SLC44A5: variants seen among roughly 807,000 people sequenced by gnomAD.
SLC44A5 encodes solute carrier family 44 member 5.
A neutral mutation model predicts 101.8 loss-of-function variants in SLC44A5; 57 were observed. The ratio of observed to expected loss-of-function variants is 0.56; its 90% CI spans 0.45 to 0.70. SLC44A5 has a LOEUF of 0.70. Ranked by LOEUF, SLC44A5 falls within the 30% of genes least tolerant of loss-of-function variation. The pLI is 0.00. For missense variants in SLC44A5, 737 were observed against 853.1 expected (o/e 0.86, Z 1.70); for synonymous variants, 281 against 290.9 (o/e 0.97, Z 0.35).
At chr1:75,444,483 G>GAAAGAAAGA (rs1553181287) in intron 2 of SLC44A5, among the ~76,000 whole-genome samples, 82 of 140,726 alleles carry the variant, frequency 5.8e-4, no homozygotes, top group Middle Eastern at 3.7e-3. Flanking sequence ...GAGAAAGAAA[G>GAAAGAAAGA]AAGAAAGAAA....
At chr1:75,213,295 A>G (rs1570367006) in intron 22 of SLC44A5, among the ~76,000 whole-genome samples, 1 of 152,152 alleles carries the variant, frequency 6.6e-6, no homozygotes, top group African/African-American at 2.4e-5. Context: ...TATTTCTACT[A>G]TTCCTTTTTA....
chr1:75,656,823 T>C, the SLC44A5 span, among the ~76,000 whole-genome samples: 159 of 152,328 alleles, frequency 1.0e-3, no homozygotes, highest in Middle Eastern at 6.8e-3. Context: ...AATCTTTACC[T>C]ATCCATAATA....
the SLC44A5 span, among the ~76,000 whole-genome samples, chr1:75,678,190 C>G: frequency 6.6e-6 from 1 of 152,116 alleles, no homozygotes; most frequent in African/African-American, 2.4e-5. Flanking sequence ...GGGGGAGGGG[C>G]GCCCACCAAT....
chr1:75,630,082 T>C, the SLC44A5 span, among the ~76,000 whole-genome samples: 1 of 152,220 alleles, frequency 6.6e-6, no homozygotes, highest in East Asian at 1.9e-4. Flanking sequence ...GTTTCTGATA[T>C]CTGTGGGGAG....
At position 75,218,645 on chromosome 1, in the gene SLC44A5, T is replaced by C. The variant is rs1449963549; in HGVS notation, c.1374A>G (p.Val458=). 1.9e-6 allele frequency: 3 copies of C among 1,613,732 alleles called. No homozygotes were observed. The highest frequency in any genetic ancestry group is 1.3e-5 in the African/African-American group (1 of 74,900). ...LYHQYIPTFH[V]YNLFVFLWLI... ...GCCAGAGAAAGACAAATAAGTTGTA[T>C]ACATGGAAGGTAGGGATGTACTGAT... The change falls in exon 17 of 24, where the codon GTA becomes GTG. Residue 458 remains valine (V), a synonymous_variant. Coordinates refer to ENST00000370859, the MANE Select transcript of SLC44A5 (RefSeq NM_001130058.2).
chr1:75,626,661 T>C, the SLC44A5 span, among the ~76,000 whole-genome samples: 1 of 152,164 alleles, frequency 6.6e-6, no homozygotes, highest in African/African-American at 2.4e-5. Context: ...TGGGCTTATT[T>C]TTCATTAGCT....
chr1:75,451,209 G>A (rs564820731), intron 2 of SLC44A5, among the ~76,000 whole-genome samples: 5 of 152,300 alleles, frequency 3.3e-5, no homozygotes, highest in African/African-American at 1.2e-4. Flanking sequence ...CACCAGAGCT[G>A]AGCAGGGAGC....
chr1:75,257,207 G>A (rs596098), intron 6 of SLC44A5, among the ~76,000 whole-genome samples: 111,270 of 152,092 alleles, frequency 0.73, 40,933 homozygotes, highest in East Asian at 0.93. Context: ...CTGGTAGTAA[G>A]TTCAATCAAA....
chr1:75,342,109 G>A (rs976929375), intron 3 of SLC44A5, among the ~76,000 whole-genome samples: 1 of 152,178 alleles, frequency 6.6e-6, no homozygotes, highest in African/African-American at 2.4e-5. Flanking sequence ...TCATCATGAT[G>A]TGTATGAGTT....
chr1:75,355,579 T>A (rs1659003550), intron 3 of SLC44A5, among the ~76,000 whole-genome samples: 1 of 152,208 alleles, frequency 6.6e-6, no homozygotes. Flanking sequence ...CAATAAAAAT[T>A]AGAGTTATGC....
At chr1:75,414,427 T>C (rs569100957) in intron 2 of SLC44A5, among the ~76,000 whole-genome samples, 1 of 152,012 alleles carries the variant, frequency 6.6e-6, no homozygotes, top group Non-Finnish European at 1.5e-5. Flanking sequence ...AATCCAAAAA[T>C]ATTTACAGAG....
intron 2 of SLC44A5, among the ~76,000 whole-genome samples, chr1:75,464,092 T>C (rs2101704900): frequency 6.6e-6 from 1 of 151,764 alleles, no homozygotes; most frequent in East Asian, 2.0e-4. Flanking sequence ...CATGGTGGCA[T>C]GCACCTGTAG....
At chr1:75,537,794 C>A (rs969486040) in intron 2 of SLC44A5, among the ~76,000 whole-genome samples, 1 of 152,172 alleles carries the variant, frequency 6.6e-6, no homozygotes, top group African/African-American at 2.4e-5. Flanking sequence ...TATAAAACTT[C>A]TTTCATTCTT....
the SLC44A5 span, among the ~76,000 whole-genome samples, chr1:75,642,393 A>T: frequency 1.3e-5 from 2 of 152,120 alleles, no homozygotes; most frequent in Non-Finnish European, 2.9e-5. Context: ...TATGGTCATC[A>T]CGTGAGCAGC....
chr1:75,565,346 T>C (rs1226263468), intron 1 of SLC44A5, among the ~76,000 whole-genome samples: 2 of 152,196 alleles, frequency 1.3e-5, no homozygotes, highest in East Asian at 1.9e-4. Context: ...AAGAGAAGTC[T>C]AGAGAGAACA....
chr1:75,642,205 G>T, the SLC44A5 span: 1 of 563,052 alleles, frequency 1.8e-6, no homozygotes, highest in Non-Finnish European at 3.1e-6. Flanking sequence ...GTCTGTGACA[G>T]CTTGTTTCTG....
the SLC44A5 span, among the ~76,000 whole-genome samples, chr1:75,630,748 G>A: frequency 8.5e-5 from 13 of 152,264 alleles, no homozygotes; most frequent in African/African-American, 3.1e-4. Context: ...AAAATAAGAA[G>A]AGATCAGTGG....
chr1:75,536,507 A>G lies in SLC44A5; in HGVS notation c.13+4928T>C, dbSNP rs953121182. ...TCCCAGCTACTCCGGAGGCTGAGGT[A>G]GGAGAATGGCATGAACCCGGGAAGC... is the stretch of plus-strand genomic sequence containing the variant. On this transcript the variant is annotated intron_variant, in intron 2 of 23. Transcript: ENST00000370859. 6.7e-5 allele frequency among the ~76,000 whole-genome samples: 10 copies of G among 149,826 alleles called. 1 individual carries two copies. The highest frequency in any genetic ancestry group is 2.5e-4 in the African/African-American group (10 of 40,778).
chr1:75,633,954 C>A, the SLC44A5 span, among the ~76,000 whole-genome samples: 1 of 151,522 alleles, frequency 6.6e-6, no homozygotes, highest in East Asian at 1.9e-4. Flanking sequence ...TTGTCAAAGG[C>A]CTTTTCTGCA....
Sources: gnomAD v4.1 joint callset for allele counts (sites outside exome capture counted in the v4.1 genomes callset) on GRCh38, gnomAD v4.1.1 for gene constraint, MANE v1.5 for transcripts, NCBI Gene and HGNC (gene_info 2026-07-23, HGNC 2026-07-21) for gene names.